The following INPP5B variants were observed in gnomAD, a reference collection of about 807,000 sequenced individuals.
The protein encoded by INPP5B is type II inositol 1,4,5-trisphosphate 5-phosphatase.
INPP5B carries 90 observed loss-of-function variants against 118.5 expected under a neutral mutation model. The observed-to-expected ratio is 0.76, with a 90% CI of 0.64 to 0.90. The LOEUF is 0.90. INPP5B is among the 40% of genes least tolerant of loss of function. The pLI, the probability that INPP5B is intolerant of heterozygous loss-of-function variation, is 0.00. For synonymous variants in INPP5B, 385 were observed against 418.9 expected (o/e 0.92, Z 0.99); for missense variants, 984 against 1,125.6 (o/e 0.87, Z 1.80).
rs1643605513 is a variant in INPP5B, at chr1:37,887,408, C to G, written c.957G>C (p.Glu319Asp). The G allele has an allele frequency of 3.1e-6, 5 of 1,613,842 alleles. No individual in the cohort carries two copies. The highest frequency in any genetic ancestry group is 4.2e-6 in the Non-Finnish European group (5 of 1,179,882). ...CTGACACAGCTTTGAACCACTCTTC[C>G]TCCTTTGGGGTATCGTGAAAGAAAA... Reference protein sequence around the residue: ...EAFFFHDTPKEEEWFKAVSEG... With the variant: ...EAFFFHDTPKDEEWFKAVSEG... Residue 319 changes from glutamate to aspartate, a missense_variant, in exon 11 of 24, where the codon GAG becomes GAC. By Grantham distance (45) the Glu-to-Asp change is conservative (BLOSUM62 2). Coordinates refer to ENST00000373024, the MANE Select transcript of INPP5B (RefSeq NM_005540.3).
intron 7 of INPP5B, among the ~76,000 whole-genome samples, chr1:37,924,735 C>G (rs559265771): frequency 6.6e-6 from 1 of 151,702 alleles, no homozygotes; most frequent in South Asian, 2.1e-4. Context: ...AGGGAGATCT[C>G]GTCTCTAAAA....
At chr1:37,877,882 C>CA (rs1557634369) in intron 16 of INPP5B, among the ~76,000 whole-genome samples, 1 of 151,882 alleles carries the variant, frequency 6.6e-6, no homozygotes, top group East Asian at 1.9e-4. Context: ...ATCTCTTTTA[C>CA]AAAAAAGGAA....
chr1:37,862,053 AAAAT>A lies in INPP5B; in HGVS notation c.*258_*261del, dbSNP rs1397954686. Reference sequence around the variant, plus strand: ...TCCGTCTCAAAATAAAAAAAAATAAAAAATAAAAAAATCTGTGTTAAATAACTAA... The same window carrying A: ...TCCGTCTCAAAATAAAAAAAAATAAAAAAAAAATCTGTGTTAAATAACTAA... On this transcript the variant is annotated 3_prime_UTR_variant, in exon 24 of 24. Transcript: ENST00000373024. 1 of 369,164 alleles carries A rather than the reference AAAAT, an allele frequency of 2.7e-6. No homozygotes were observed. The highest frequency in any genetic ancestry group is 2.1e-5 in the African/African-American group (1 of 47,694). 22.9% of individuals were successfully genotyped at this position (369,164 alleles called of 1,614,324 possible). A position where few individuals can be genotyped will look rare whatever the true frequency, so the allele number is the denominator to read the frequency against.
intron 7 of INPP5B, among the ~76,000 whole-genome samples, chr1:37,901,280 G>C (rs996652791): frequency 2.0e-5 from 3 of 152,142 alleles, no homozygotes; most frequent in African/African-American, 7.2e-5. Flanking sequence ...CTGACGTCCA[G>C]CTCTACTACT....
chr1:37,895,493 C>A (rs972591055), intron 7 of INPP5B, among the ~76,000 whole-genome samples: 1 of 151,762 alleles, frequency 6.6e-6, no homozygotes, highest in African/African-American at 2.4e-5. Flanking sequence ...CCCTCTCCCC[C>A]TCCCCCTCCC....
At chr1:37,922,082 G>C (rs921530555) in intron 7 of INPP5B, among the ~76,000 whole-genome samples, 1 of 151,860 alleles carries the variant, frequency 6.6e-6, no homozygotes, top group Admixed American at 6.6e-5. Context: ...GACACCTGTA[G>C]TCCTGGCTAC....
intron 7 of INPP5B, among the ~76,000 whole-genome samples, chr1:37,903,182 G>C (rs188474213): frequency 6.6e-6 from 1 of 152,280 alleles, no homozygotes; most frequent in East Asian, 1.9e-4. Context: ...CACAGGATGA[G>C]ATATGAGGGT....
intron 6 of INPP5B, among the ~76,000 whole-genome samples, chr1:37,935,740 C>G (rs894746341): frequency 5.9e-5 from 9 of 152,144 alleles, no homozygotes; most frequent in African/African-American, 2.2e-4. Flanking sequence ...TTCTAACTTG[C>G]AAATCTTGCC....
intron 6 of INPP5B, among the ~76,000 whole-genome samples, chr1:37,935,959 G>C (rs982787981): frequency 4.0e-5 from 6 of 151,894 alleles, no homozygotes; most frequent in Admixed American, 3.3e-4. Flanking sequence ...CCAGCTACTC[G>C]GGAGGCTGAG....
chr1:37,885,892 C>T (rs1643499910), intron 12 of INPP5B, 67 bp from the exon 13 acceptor site: 1 of 1,500,082 alleles, frequency 6.7e-7, no homozygotes, highest in East Asian at 2.3e-5. Flanking sequence ...AACCTACAAA[C>T]TTTCTGGCCG....
intron 7 of INPP5B, among the ~76,000 whole-genome samples, chr1:37,909,325 C>T (rs1465991373): frequency 2.0e-5 from 3 of 152,040 alleles, no homozygotes; most frequent in African/African-American, 4.8e-5. Context: ...CCCCAGGCTG[C>T]TCCTTGCCAG....
At chr1:37,924,871 C>G (rs1435073894) in intron 7 of INPP5B, among the ~76,000 whole-genome samples, 1 of 151,886 alleles carries the variant, frequency 6.6e-6, no homozygotes. Flanking sequence ...AACCCTGTCT[C>G]TACTAAAAAT....
chr1:37,866,039 T>C, intron 21 of INPP5B, 151 bp from the exon 22 acceptor site: 1 of 1,301,812 alleles, frequency 7.7e-7, no homozygotes, highest in Non-Finnish European at 1.0e-6. Context: ...GGGACCACAC[T>C]GTTTGTCAGG....
Position 37,880,109 on chromosome 1 carries a change from G to A in INPP5B, c.1517C>T (p.Thr506Met), listed in dbSNP as rs780542769. The A allele has an allele frequency of 6.2e-6, 10 of 1,609,884 alleles. No homozygotes were observed. In the East Asian group the frequency reaches 8.9e-5, roughly 14 times the overall value. Reference protein sequence around the residue: ...LTFQPTYKYDTGSDDWDTSEK... With the variant: ...LTFQPTYKYDMGSDDWDTSEK... Reference sequence around the variant, plus strand: ...CCTGGTATCCCAGTCGTCAGAGCCCGTATCATACTTGTAAGTAGGCTGGAA... The same window carrying A: ...CCTGGTATCCCAGTCGTCAGAGCCCATATCATACTTGTAAGTAGGCTGGAA... Residue 506 changes from threonine (T) to methionine (M), a missense_variant, in exon 15 of 24, where the codon ACG becomes ATG. Transcript: ENST00000373024.
At chr1:37,884,309 C>A (rs1643384231) in intron 13 of INPP5B, 1 of 151,464 alleles carries the variant, frequency 6.6e-6, no homozygotes, top group Non-Finnish European at 1.5e-5. Context: ...TAAACTTTTC[C>A]TTCTCCTTTC....
chr1:37,919,440 T>C (rs1644980217), intron 7 of INPP5B, among the ~76,000 whole-genome samples: 1 of 152,050 alleles, frequency 6.6e-6, no homozygotes, highest in Non-Finnish European at 1.5e-5. Flanking sequence ...AGTGAGTAGG[T>C]TCAATGTTTG....
At chr1:37,883,731 C>T in intron 13 of INPP5B, 1 of 985,386 alleles carries the variant, frequency 1.0e-6, no homozygotes, top group Non-Finnish European at 1.2e-6. Flanking sequence ...CTGCTAGGCT[C>T]CCTGGAGAAG....
chr1:37,945,635 T>G, intron 3 of INPP5B, 121 bp downstream of exon 3: 1 of 674,148 alleles, frequency 1.5e-6, no homozygotes, highest in Non-Finnish European at 2.7e-6. Context: ...TAACTATCAT[T>G]GTGATAATTA....
At chr1:37,892,216 A>G (rs775952336) in intron 7 of INPP5B, among the ~76,000 whole-genome samples, 1 of 152,222 alleles carries the variant, frequency 6.6e-6, no homozygotes, top group Non-Finnish European at 1.5e-5. Flanking sequence ...GGCACTTTAA[A>G]AGCAATACAA....
Sources: gnomAD v4.1 joint callset for allele counts (sites outside exome capture counted in the v4.1 genomes callset) on GRCh38, gnomAD v4.1.1 for gene constraint, MANE v1.5 for transcripts, NCBI Gene and HGNC (gene_info 2026-07-23, HGNC 2026-07-21) for gene names.